The following LANCL3 variants were observed in gnomAD, a reference collection of about 807,000 sequenced individuals.
LANCL3 encodes the protein LanC like family member 3.
LANCL3 carries 19 observed loss-of-function variants against 26.5 expected under a neutral mutation model. The ratio of observed to expected loss-of-function variants is 0.72; its 90% confidence interval spans 0.50 to 1.05. The LOEUF (loss-of-function observed/expected upper bound fraction) is 1.05. Among genes scored for constraint, LANCL3 ranks in the 50% least tolerant of loss-of-function variants. The probability of loss-of-function intolerance (pLI) is 0.00; values close to 1 mark genes in which losing one functional copy is unlikely to be tolerated. For synonymous variants in LANCL3, 160 were observed against 166.6 expected, an observed-to-expected ratio of 0.96 and a Z score of 0.30; for missense variants, 318 against 362.7, an observed-to-expected ratio of 0.88 and a Z score of 1.00.
intron 1 of LANCL3, among the ~76,000 whole-genome samples, chrX:37,596,377 TG>T (rs1193181270): frequency 2.7e-5 from 3 of 112,300 alleles, no homozygotes; most frequent in Non-Finnish European, 5.6e-5. Flanking sequence ...TTGTGTCAAA[TG>T]GCTTTTAACA....
chrX:37,618,725 T>C (rs1201493479), intron 1 of LANCL3, among the ~76,000 whole-genome samples: 1 of 111,895 alleles, frequency 8.9e-6, no homozygotes, highest in African/African-American at 3.3e-5. Flanking sequence ...ATGTCCCCAT[T>C]TTATAAGACA....
At chrX:37,594,347 A>G (rs1201671653) in intron 1 of LANCL3, among the ~76,000 whole-genome samples, 1 of 112,304 alleles carries the variant, frequency 8.9e-6, no homozygotes, top group East Asian at 2.8e-4. Context: ...CAAGTTGGAT[A>G]TTATTACCAC....
chrX:37,630,316 G>A (rs1244934599), intron 1 of LANCL3, among the ~76,000 whole-genome samples: 2 of 111,920 alleles, frequency 1.8e-5, no homozygotes, highest in African/African-American at 6.5e-5. Context: ...TTGAGACTTT[G>A]CTAAAGTTGC....
At chrX:37,595,889 T>G (rs1471150239) in intron 1 of LANCL3, among the ~76,000 whole-genome samples, 2 of 112,036 alleles carry the variant, frequency 1.8e-5, no homozygotes, top group African/African-American at 6.5e-5. Context: ...GGGCTTGCAC[T>G]TTTCCTGTAA....
intron 4 of LANCL3, among the ~76,000 whole-genome samples, chrX:37,672,160 T>C (rs1002370026): frequency 8.9e-6 from 1 of 112,060 alleles, no homozygotes; most frequent in Non-Finnish European, 1.9e-5. Context: ...TTTAATTTTG[T>C]TATTTGGATA....
chrX:37,574,888 GGTGTGT>G (rs781868476), intron 1 of LANCL3, among the ~76,000 whole-genome samples: 2 of 100,891 alleles, frequency 2.0e-5, no homozygotes, highest in Admixed American at 1.1e-4. Context: ...ACCTTGTATA[GGTGTGT>G]GTGTGTGTGT....
intron 1 of LANCL3, among the ~76,000 whole-genome samples, chrX:37,630,899 G>A (rs1167022613): frequency 9.0e-6 from 1 of 111,022 alleles, no homozygotes; most frequent in Non-Finnish European, 1.9e-5. Flanking sequence ...CAAGGATATT[G>A]GTCTAAAATT....
chrX:37,605,165 G>A (rs1424997777), intron 1 of LANCL3, among the ~76,000 whole-genome samples: 1 of 111,727 alleles, frequency 9.0e-6, no homozygotes, highest in Admixed American at 9.5e-5. Flanking sequence ...TTATCCTTAC[G>A]CCTCCGAAGG....
chrX:37,627,747 G>T (rs192410564), intron 1 of LANCL3, among the ~76,000 whole-genome samples: 2 of 111,875 alleles, frequency 1.8e-5, no homozygotes, highest in Admixed American at 1.9e-4. Flanking sequence ...TTCCACTGAG[G>T]TCTATGATTA....
At chrX:37,575,737 G>A (rs1460134994) in intron 1 of LANCL3, among the ~76,000 whole-genome samples, 10 of 112,189 alleles carry the variant, frequency 8.9e-5, no homozygotes, top group Admixed American at 7.5e-4. Context: ...GGTAGAGCAT[G>A]CTTTGAATAG....
At chrX:37,664,534 T>C (rs1556433357) in intron 3 of LANCL3, among the ~76,000 whole-genome samples, 1 of 111,362 alleles carries the variant, frequency 9.0e-6, no homozygotes. Context: ...ATTTACATAA[T>C]ATACAATTAA....
At chrX:37,592,594 CAGAAA>C (rs1388551176) in intron 1 of LANCL3, among the ~76,000 whole-genome samples, 1 of 110,819 alleles carries the variant, frequency 9.0e-6, no homozygotes, top group Non-Finnish European at 1.9e-5. Context: ...GTTGAGAGAA[CAGAAA>C]AGAACTCTTA....
intron 1 of LANCL3, among the ~76,000 whole-genome samples, chrX:37,598,910 C>T (rs1446703835): frequency 2.7e-5 from 3 of 112,244 alleles, no homozygotes; most frequent in Non-Finnish European, 5.6e-5. Context: ...GCACAGACCA[C>T]GAGAGTCACG....
At chrX:37,628,784 T>G (rs1408443867) in intron 1 of LANCL3, among the ~76,000 whole-genome samples, 1 of 110,248 alleles carries the variant, frequency 9.1e-6, no homozygotes, top group African/African-American at 3.3e-5. Flanking sequence ...AACTCATCAT[T>G]TTTTATGGCT....
intron 1 of LANCL3, among the ~76,000 whole-genome samples, chrX:37,589,921 A>T (rs1412032732): frequency 1.8e-5 from 2 of 112,153 alleles, no homozygotes; most frequent in Non-Finnish European, 3.8e-5. Flanking sequence ...GGCAGATTAT[A>T]TGTCAAAGTA....
chrX:37,631,025 G>A (rs1467646078), intron 1 of LANCL3, among the ~76,000 whole-genome samples: 1 of 111,822 alleles, frequency 8.9e-6, no homozygotes, highest in Non-Finnish European at 1.9e-5. Context: ...CAGAAGGAAT[G>A]GTACCAGCTC....
intron 1 of LANCL3, among the ~76,000 whole-genome samples, chrX:37,574,298 G>C (rs1556416126): frequency 9.0e-6 from 1 of 111,200 alleles, no homozygotes; most frequent in African/African-American, 3.3e-5. Flanking sequence ...GTCCTCAGTA[G>C]GTGATCCATA....
intron 1 of LANCL3, among the ~76,000 whole-genome samples, chrX:37,598,898 A>C (rs902182443): frequency 1.4e-4 from 16 of 112,545 alleles, no homozygotes; most frequent in African/African-American, 4.2e-4. Context: ...TTTGATGCAC[A>C]TGCACAGACC....
intron 1 of LANCL3, among the ~76,000 whole-genome samples, chrX:37,632,036 T>C (rs1304183921): frequency 2.7e-5 from 3 of 111,139 alleles, no homozygotes; most frequent in African/African-American, 9.9e-5. Flanking sequence ...TTGATCTGTC[T>C]AATGTTGACA....
Sources: gnomAD v4.1 joint callset for allele counts (sites outside exome capture counted in the v4.1 genomes callset) on GRCh38, gnomAD v4.1.1 for gene constraint, MANE v1.5 for transcripts, NCBI Gene and HGNC (gene_info 2026-07-23, HGNC 2026-07-21) for gene names.